The following EDC3 variants were observed in gnomAD, a reference collection of about 807,000 sequenced individuals.
EDC3 encodes enhancer of mRNA-decapping protein 3.
A neutral mutation model predicts 41.8 loss-of-function variants in EDC3; 20 were observed. That is an observed-to-expected ratio of 0.48 (90% confidence interval 0.34 to 0.70). The LOEUF is 0.70. Ranked by LOEUF, EDC3 falls within the 30% of genes least tolerant of loss-of-function variation. The probability of loss-of-function intolerance (pLI) is 0.01; values close to 1 mark genes in which losing one functional copy is unlikely to be tolerated. For synonymous variants in EDC3, 206 were observed against 243.2 expected, an observed-to-expected ratio of 0.85 and a Z score of 1.42; for missense variants, 444 against 636.8, an observed-to-expected ratio of 0.70 and a Z score of 3.26.
chr15:74,650,650 T>C (rs553514385), intron 4 of EDC3, among the ~76,000 whole-genome samples: 4 of 152,310 alleles, frequency 2.6e-5, no homozygotes, highest in African/African-American at 7.2e-5. Flanking sequence ...ATAAACATAA[T>C]AAACACAGTG....
In EDC3 at chr15:74,671,575, C is replaced by A; in HGVS notation, c.364G>T (p.Asp122Tyr). 2.5e-6 allele frequency: 4 copies of A among 1,614,220 alleles called. No individual in the cohort carries two copies. The highest frequency in any genetic ancestry group is 3.4e-6 in the Non-Finnish European group (4 of 1,180,042). ...ACGGCAACATCCTGGCTCTTCACAT[C>A]TGTCCTCTTAGGGATATTCTGAGGG... ...SAPQNIPKRT[D>Y]VKSQDVAVSP... The change falls in exon 3 of 7, where the codon GAT becomes TAT. Residue 122 changes from aspartate (D) to tyrosine (Y), a missense_variant. This residue lies in a region of EDC3 where 200 missense variants were observed against 244.0 expected (regional missense o/e 0.82). Transcript: ENST00000315127. This position sits in a 1 kb window ranked among gnomAD's most constrained non-coding sequence, Gnocchi z 4.6.
intron 3 of EDC3, among the ~76,000 whole-genome samples, chr15:74,659,742 G>A (rs936114920): frequency 1.3e-5 from 2 of 151,350 alleles, no homozygotes; most frequent in East Asian, 2.0e-4. Context: ...AACACATCCT[G>A]GCTAAAAAAT....
In EDC3 at chr15:74,671,662, C is replaced by G. The variant is rs1382250026; in HGVS notation, c.277G>C (p.Val93Leu). The G allele has an allele frequency of 6.2e-6, 10 of 1,614,162 alleles. No individual in the cohort carries two copies. Among genetic ancestry groups the G allele is most frequent in the Non-Finnish European group, 8.5e-6 (10 of 1,180,036 alleles). ...CCTGTGCCATTCTGATTGATGCCCACTTGGCAGCCAGCACCAGAGGGGCCT... is the reference window on the plus strand; with the variant it reads ...CCTGTGCCATTCTGATTGATGCCCAGTTGGCAGCCAGCACCAGAGGGGCCT... ...ELGPSGAGCQ[V>L]GINQNGTGKF... is the part of the protein sequence containing the mutation. The change falls in exon 3 of 7, where the codon GTG becomes CTG. Residue 93 changes from valine (V) to leucine (L), a missense_variant. This residue lies in a region of EDC3 where 200 missense variants were observed against 244.0 expected (regional missense o/e 0.82). Transcript: ENST00000315127. The surrounding 1 kb of genome is among the most constrained non-coding windows in gnomAD (Gnocchi z 4.6).
chr15:74,681,206 T>C (rs1036572107), intron 1 of EDC3, among the ~76,000 whole-genome samples: 3 of 152,160 alleles, frequency 2.0e-5, no homozygotes, highest in Non-Finnish European at 4.4e-5. Context: ...CAGGCTGGAG[T>C]GCAGTGGCGC....
At chr15:74,687,535 A>G (rs528864997) in intron 1 of EDC3, among the ~76,000 whole-genome samples, 12 of 151,964 alleles carry the variant, frequency 7.9e-5, no homozygotes, top group African/African-American at 2.9e-4. Flanking sequence ...CCGCCACCAC[A>G]CCCAGCTAAT....
At chr15:74,642,911 G>A (rs898641796) in intron 4 of EDC3, 3 of 152,346 alleles carry the variant, frequency 2.0e-5, no homozygotes, top group African/African-American at 7.2e-5. Flanking sequence ...TGGAAGCTGT[G>A]AGTCTCTTAC....
At chr15:74,652,543 T>C (rs1451158514) in intron 4 of EDC3, among the ~76,000 whole-genome samples, 1 of 149,252 alleles carries the variant, frequency 6.7e-6, no homozygotes, top group Non-Finnish European at 1.5e-5. Context: ...CTCATTTTTA[T>C]TCACATTTAG....
chr15:74,661,088 G>A (rs1278441037), intron 3 of EDC3, among the ~76,000 whole-genome samples: 3 of 152,146 alleles, frequency 2.0e-5, no homozygotes, highest in South Asian at 2.1e-4. Context: ...TAAAGCATAC[G>A]AAAATGAGTA....
chr15:74,652,023 C>T (rs911262297), intron 4 of EDC3, among the ~76,000 whole-genome samples: 2 of 152,194 alleles, frequency 1.3e-5, no homozygotes, highest in South Asian at 4.1e-4. Context: ...TGCTTTGACT[C>T]CTGCTGCTGC....
intron 3 of EDC3, among the ~76,000 whole-genome samples, chr15:74,665,041 G>C (rs2062661957): frequency 6.6e-6 from 1 of 152,140 alleles, no homozygotes; most frequent in African/African-American, 2.4e-5. Flanking sequence ...TGTTTGTTTT[G>C]AGATGCAGTT....
chr15:74,674,718 G>T lies in EDC3; in HGVS notation c.164+243C>A, dbSNP rs961181986. On this transcript the variant is annotated intron_variant, in intron 2 of 6. Coordinates refer to ENST00000315127, the MANE Select transcript of EDC3 (RefSeq NM_025083.5). Reference sequence around the variant, plus strand: ...GGAATGAATATCGGAATGCAAAGAGGAAATAAACAGTATAGGCCGGGCATG... The same window carrying T: ...GGAATGAATATCGGAATGCAAAGAGTAAATAAACAGTATAGGCCGGGCATG... The T allele has an allele frequency of 2.3e-5, 11 of 474,450 alleles. No individual in the cohort carries two copies. The Admixed American group carries it at 3.5e-4, about 15-fold the overall frequency. 29.4% of individuals were successfully genotyped at this position (474,450 alleles called of 1,614,324 possible).
chr15:74,682,582 C>A (rs2062884151), intron 1 of EDC3, among the ~76,000 whole-genome samples: 1 of 140,968 alleles, frequency 7.1e-6, no homozygotes, highest in Non-Finnish European at 1.5e-5. Flanking sequence ...GGGGCCACTG[C>A]ACTCCAGCCT....
In EDC3 at chr15:74,657,189, G is replaced by C. The variant is rs145530290; in HGVS notation, c.485-1121C>G. 1.4e-4 allele frequency among the ~76,000 whole-genome samples: 22 copies of C among 152,376 alleles called. No individual in the cohort carries two copies. The East Asian group carries it at 4.2e-3, about 29-fold the overall frequency. On this transcript the variant is annotated intron_variant, in intron 3 of 6. Transcript: ENST00000315127. ...TGAGCTGTTAACACTTAAGCCATCT[G>C]TGGATGGCAGAGCTAAAAGAGCACC...
At chr15:74,681,157 A>G (rs1348591776) in intron 1 of EDC3, among the ~76,000 whole-genome samples, 2 of 152,092 alleles carry the variant, frequency 1.3e-5, no homozygotes, top group Non-Finnish European at 2.9e-5. Flanking sequence ...AAATAGCTAA[A>G]TCAATATTTT....
chr15:74,659,849 A>AT (rs1389541411), intron 3 of EDC3, among the ~76,000 whole-genome samples: 2 of 152,126 alleles, frequency 1.3e-5, no homozygotes, highest in Non-Finnish European at 2.9e-5. Context: ...GATCGAGACC[A>AT]TCCTGGCCAA....
At chr15:74,667,219 GA>G (rs1192733980) in intron 3 of EDC3, among the ~76,000 whole-genome samples, 1 of 151,892 alleles carries the variant, frequency 6.6e-6, no homozygotes, top group Non-Finnish European at 1.5e-5. Context: ...ATTAAAGTTG[GA>G]GACATCAGTA....
intron 1 of EDC3, among the ~76,000 whole-genome samples, chr15:74,690,929 T>A (rs1487191864): frequency 6.6e-6 from 1 of 152,196 alleles, no homozygotes; most frequent in Non-Finnish European, 1.5e-5. Flanking sequence ...CTCAGGTGGC[T>A]AGTGTCTGCA....
At chr15:74,640,766 C>T (rs1241307599) in intron 4 of EDC3, 147 bp from the exon 5 acceptor site, 18 of 934,810 alleles carry the variant, frequency 1.9e-5, no homozygotes, top group African/African-American at 6.7e-5. Flanking sequence ...GACTAAGGCA[C>T]GCTCTGCAGC....
At chr15:74,688,014 G>A (rs1024589804) in intron 1 of EDC3, among the ~76,000 whole-genome samples, 8 of 152,128 alleles carry the variant, frequency 5.3e-5, no homozygotes, top group Admixed American at 4.6e-4. Context: ...GTGGATACTC[G>A]TTTATAAGTG....
Sources: gnomAD v4.1 joint callset for allele counts (sites outside exome capture counted in the v4.1 genomes callset) on GRCh38, gnomAD v4.1.1 for gene constraint, gnomAD v4.1.1 regional missense constraint, Gnocchi (gnomAD v3.1) non-coding constraint, MANE v1.5 for transcripts, NCBI Gene and HGNC (gene_info 2026-07-23, HGNC 2026-07-21) for gene names.